CD8B2: variants seen among roughly 807,000 people sequenced by gnomAD.
The protein encoded by CD8B2 is T-cell surface glycoprotein CD8 beta-2 chain.
A neutral mutation model predicts 23.7 loss-of-function variants in CD8B2; 11 were observed. The observed-to-expected ratio is 0.46, with a 90% CI of 0.29 to 0.77. The LOEUF (loss-of-function observed/expected upper bound fraction) is 0.77. Ranked by LOEUF, CD8B2 falls within the 30% of genes least tolerant of loss-of-function variation. CD8B2 has a pLI of 0.09. For synonymous variants in CD8B2, 90 were observed against 109.3 expected, an observed-to-expected ratio of 0.82 and a Z score of 1.10; for missense variants, 197 against 270.5, an observed-to-expected ratio of 0.73 and a Z score of 1.91.
At chr2:106,518,413 A>G (rs191257196) in intron 5 of CD8B2, among the ~76,000 whole-genome samples, 8 of 152,298 alleles carry the variant, frequency 5.3e-5, no homozygotes, top group Admixed American at 5.2e-4. Context: ...ATTAATCCTC[A>G]TTTAGGAGTC....
intron 1 of CD8B2, among the ~76,000 whole-genome samples, chr2:106,488,601 G>A (rs182828901): frequency 2.0e-5 from 3 of 152,184 alleles, no homozygotes; most frequent in African/African-American, 4.8e-5. Context: ...AACCACCATC[G>A]GGGAGAGGAT....
chr2:106,542,077 T>TA (rs1439018649), intron 5 of CD8B2, among the ~76,000 whole-genome samples: 1 of 152,272 alleles, frequency 6.6e-6, no homozygotes, highest in Non-Finnish European at 1.5e-5. Context: ...CCCTGTCTGA[T>TA]ACGCCACTTG....
intron 2 of CD8B2, among the ~76,000 whole-genome samples, chr2:106,492,719 ACT>A (rs1351393008): frequency 1.3e-5 from 2 of 152,068 alleles, no homozygotes; most frequent in Non-Finnish European, 2.9e-5. Context: ...AAATTAGACC[ACT>A]CAGCGTGAGG....
intron 2 of CD8B2, among the ~76,000 whole-genome samples, chr2:106,493,940 C>T (rs1373189350): frequency 6.6e-6 from 1 of 152,200 alleles, no homozygotes; most frequent in African/African-American, 2.4e-5. Flanking sequence ...CAGCACTGCT[C>T]CCCACACATG....
intron 5 of CD8B2, among the ~76,000 whole-genome samples, chr2:106,524,871 G>A (rs1276941289): frequency 1.3e-5 from 2 of 152,102 alleles, no homozygotes; most frequent in Non-Finnish European, 2.9e-5. Context: ...CCAGGCAGAG[G>A]TCCCATCATG....
chr2:106,492,723 A>T (rs1679218041), intron 2 of CD8B2, among the ~76,000 whole-genome samples: 1 of 152,210 alleles, frequency 6.6e-6, no homozygotes, highest in Non-Finnish European at 1.5e-5. Context: ...TAGACCACTC[A>T]GCGTGAGGAA....
At chr2:106,505,654 G>A (rs1180669345) in intron 5 of CD8B2, among the ~76,000 whole-genome samples, 1 of 152,212 alleles carries the variant, frequency 6.6e-6, no homozygotes, top group Non-Finnish European at 1.5e-5. Flanking sequence ...TATATGCTCT[G>A]CACTGTTGTA....
intron 3 of CD8B2, among the ~76,000 whole-genome samples, chr2:106,499,531 CAAA>C (rs58020024): frequency 6.2e-4 from 54 of 87,106 alleles, no homozygotes; most frequent in African/African-American, 1.3e-3. Flanking sequence ...GACCCTGTCT[CAAA>C]AAAAAAAAAA....
chr2:106,529,978 C>T (rs1452105199), intron 5 of CD8B2, among the ~76,000 whole-genome samples: 1 of 152,196 alleles, frequency 6.6e-6, no homozygotes, highest in Non-Finnish European at 1.5e-5. Context: ...TACTCATACC[C>T]TTGAGAATGA....
downstream of CD8B2, chr2:106,511,141 A>T (rs1314833542): frequency 2.0e-5 from 3 of 152,258 alleles, no homozygotes; most frequent in Non-Finnish European, 4.4e-5. Context: ...TCCACAAACG[A>T]AAGATTTATT....
chr2:106,544,282 C>T (rs528087443), exon 6 of CD8B2: 16 of 378,800 alleles, frequency 4.2e-5, no homozygotes, highest in African/African-American at 1.0e-4. Flanking sequence ...CAGAAATAAA[C>T]GTCTTAATGA....
At chr2:106,489,209 C>T (rs1371458679) in intron 1 of CD8B2, among the ~76,000 whole-genome samples, 3 of 150,196 alleles carry the variant, frequency 2.0e-5, no homozygotes, top group African/African-American at 2.5e-5. Context: ...CACTATGTTG[C>T]CCAGGCTGGT....
intron 3 of CD8B2, among the ~76,000 whole-genome samples, chr2:106,497,574 C>T (rs1007733891): frequency 5.9e-5 from 9 of 152,108 alleles, no homozygotes; most frequent in Non-Finnish European, 1.2e-4. Context: ...ACAAGCAGCC[C>T]CAGGAGCACT....
At chr2:106,504,686 T>G (rs1679472244) in intron 5 of CD8B2, among the ~76,000 whole-genome samples, 1 of 152,178 alleles carries the variant, frequency 6.6e-6, no homozygotes, top group Admixed American at 6.5e-5. Flanking sequence ...GTTAAATGTA[T>G]TTCAACAACA....
At position 106,491,055 on chromosome 2, in the gene CD8B2, C is replaced by T. The variant is rs11124115; in HGVS notation, c.225C>T (p.Ser75=). 0.24 allele frequency: 388,295 copies of T among 1,613,614 alleles called. 56,453 individuals carry two copies. The highest frequency in any genetic ancestry group is 0.74 in the East Asian group (33,308 of 44,860). The change falls in exon 2 of 6, where the codon TCC becomes TCT. Residue 75 remains serine, a synonymous_variant. Transcript: ENST00000643224. The part of the protein sequence containing the change: ...SHHEFLTLWD[S]AKGTIHGEEV... ...ACGAGTTCCTGACCCTCTGGGATTC[C>T]GCAAAAGGGACTATCCACGGTGAAG...
At chr2:106,492,195 G>C (rs1160615489) in intron 2 of CD8B2, among the ~76,000 whole-genome samples, 1 of 151,900 alleles carries the variant, frequency 6.6e-6, no homozygotes, top group Non-Finnish European at 1.5e-5. Flanking sequence ...GTGTCACACG[G>C]GGGTGCTGAT....
At chr2:106,528,227 C>A (rs1008037064) in intron 5 of CD8B2, among the ~76,000 whole-genome samples, 3 of 152,058 alleles carry the variant, frequency 2.0e-5, no homozygotes, top group African/African-American at 7.2e-5. Context: ...TGTTATGTGT[C>A]TTTTTATTGT....
chr2:106,497,655 T>C (rs1679325066), intron 3 of CD8B2, among the ~76,000 whole-genome samples: 1 of 152,080 alleles, frequency 6.6e-6, no homozygotes, highest in South Asian at 2.1e-4. Context: ...CAGTACTGAA[T>C]AGGATCTGGG....
chr2:106,492,419 A>C lies in CD8B2; in HGVS notation c.403+1186A>C, dbSNP rs1679212909. The stretch of plus-strand genomic sequence containing the variant: ...CATCTCAACATGTAATCAATATAAA[A>C]AGTATTGCTGAAATATTTTACATTC... On this transcript the variant is annotated intron_variant, in intron 2 of 5. Transcript: ENST00000643224. 2.0e-5 allele frequency among the ~76,000 whole-genome samples: 3 copies of C among 152,086 alleles called. No homozygotes were observed. The South Asian group carries it at 6.2e-4, about 32-fold the overall frequency.
Sources: gnomAD v4.1 joint callset for allele counts (sites outside exome capture counted in the v4.1 genomes callset) on GRCh38, gnomAD v4.1.1 for gene constraint, MANE v1.5 for transcripts, NCBI Gene and HGNC (gene_info 2026-07-23, HGNC 2026-07-21) for gene names.